Variants in SFMBT2 observed in about 807,000 individuals in gnomAD.
SFMBT2 encodes the protein scm-like with four MBT domains protein 2.
A neutral mutation model predicts 110.1 loss-of-function variants in SFMBT2; 38 were observed. The observed-to-expected ratio is 0.35, with a 90% CI of 0.27 to 0.45. The LOEUF (loss-of-function observed/expected upper bound fraction) is 0.45, where lower values mean the gene tolerates loss of function less well. SFMBT2 is among the 20% of genes least tolerant of loss of function. The probability of loss-of-function intolerance (pLI) is 1.00; values close to 1 mark genes in which losing one functional copy is unlikely to be tolerated. For missense variants in SFMBT2, 1,011 were observed against 1,094.9 expected (o/e 0.92, Z 1.08); for synonymous variants, 425 against 425.4 (o/e 1.00, Z 0.01).
intron 8 of SFMBT2, among the ~76,000 whole-genome samples, chr10:7,247,652 C>T (rs189774521): frequency 3.8e-4 from 57 of 151,918 alleles, no homozygotes; most frequent in Non-Finnish European, 5.7e-4. Flanking sequence ...AAGAAAATCC[C>T]GTATCTTTAA....
chr10:7,284,371 A>G, intron 5 of SFMBT2: 1 of 1,297,632 alleles, frequency 7.7e-7, no homozygotes, highest in Non-Finnish European at 9.8e-7. Context: ...AACAACAAAA[A>G]AATCACAAGT....
At chr10:7,255,197 G>C (rs965340485) in intron 7 of SFMBT2, among the ~76,000 whole-genome samples, 1 of 152,206 alleles carries the variant, frequency 6.6e-6, no homozygotes, top group African/African-American at 2.4e-5. Flanking sequence ...GTCAAGGACA[G>C]AGAGAGTTCC....
At chr10:7,185,046 T>C (rs902253389) in intron 16 of SFMBT2, among the ~76,000 whole-genome samples, 1 of 152,152 alleles carries the variant, frequency 6.6e-6, no homozygotes, top group African/African-American at 2.4e-5. Flanking sequence ...TCCTCAGAAA[T>C]TTCTTTCTTC....
chr10:7,193,354 C>G (rs1028645858), intron 15 of SFMBT2, among the ~76,000 whole-genome samples: 12 of 152,224 alleles, frequency 7.9e-5, no homozygotes, highest in African/African-American at 2.9e-4. Flanking sequence ...GATACTGTCA[C>G]TGACATTTAC....
At chr10:7,270,253 A>G (rs1190204981) in intron 7 of SFMBT2, among the ~76,000 whole-genome samples, 1 of 152,192 alleles carries the variant, frequency 6.6e-6, no homozygotes, top group Non-Finnish European at 1.5e-5. Flanking sequence ...AGGCGACCCC[A>G]GAAGCCAGGG....
intron 4 of SFMBT2, among the ~76,000 whole-genome samples, chr10:7,352,862 T>G (rs1226263505): frequency 6.6e-6 from 1 of 151,944 alleles, no homozygotes; most frequent in Admixed American, 6.6e-5. Flanking sequence ...ATACTAAAAA[T>G]TAGCCAGGCG....
chr10:7,265,485 G>A (rs957614179), intron 7 of SFMBT2, among the ~76,000 whole-genome samples: 5 of 152,174 alleles, frequency 3.3e-5, no homozygotes, highest in Non-Finnish European at 5.9e-5. Context: ...ACAGGCATGA[G>A]CCACCGCGCC....
chr10:7,347,033 G>A (rs1844137668), intron 4 of SFMBT2, among the ~76,000 whole-genome samples: 1 of 147,410 alleles, frequency 6.8e-6, no homozygotes, highest in Admixed American at 6.7e-5. Flanking sequence ...ACAAAAATGT[G>A]TAGCTAAATG....
intron 9 of SFMBT2, among the ~76,000 whole-genome samples, chr10:7,235,344 T>C (rs1272417775): frequency 8.5e-5 from 13 of 152,078 alleles, no homozygotes; most frequent in Admixed American, 6.6e-5. Context: ...ACCACTGAAA[T>C]TAGTTCATAA....
chr10:7,176,126 T>A lies in SFMBT2; in HGVS notation c.1848A>T (p.Val616=). The A allele has an allele frequency of 6.2e-7, 1 of 1,614,216 alleles. No homozygotes were observed. Among genetic ancestry groups the A allele is most frequent in the African/African-American group, 1.3e-5 (1 of 75,062 alleles). ...AATTTGCGACTTGGTCAGATGTCCG[T>A]ACGATTTTGACCACAGCCCTGTATG... ...GKTYRAVVKI[V]RTSDQVANFC... Residue 616 remains valine (V), a synonymous_variant, in exon 17 of 21, where the codon GTA becomes GTT. Transcript: ENST00000397167.
intron 6 of SFMBT2, among the ~76,000 whole-genome samples, chr10:7,280,898 A>G (rs897900441): frequency 6.6e-6 from 1 of 152,154 alleles, no homozygotes; most frequent in African/African-American, 2.4e-5. Context: ...TCTATGACCC[A>G]TTTCTCTTCT....
rs1045587309 is a variant in SFMBT2, at chr10:7,378,060, AGTGT to A, written c.100+3735_100+3738del. Among the ~76,000 whole-genome samples, 29 of 142,590 alleles carry A rather than the reference AGTGT, an allele frequency of 2.0e-4. 1 individual carries two copies. Among genetic ancestry groups the A allele is most frequent in the African/African-American group, 7.4e-4 (28 of 37,888 alleles). 93.5% of individuals were successfully genotyped at this position (142,590 alleles called of 152,430 possible). On this transcript the variant is annotated intron_variant, in intron 2 of 20. Coordinates refer to ENST00000397167, the MANE Select transcript of SFMBT2 (RefSeq NM_001387889.1). ...GTGGATGGGTGGATGGATGGATGTG[AGTGT>A]GTGTGTGCATGTGTATGTGGATGGG... is the stretch of plus-strand genomic sequence containing the variant.
chr10:7,332,847 G>T (rs1367210123), intron 4 of SFMBT2, among the ~76,000 whole-genome samples: 1 of 152,148 alleles, frequency 6.6e-6, no homozygotes, highest in Non-Finnish European at 1.5e-5. Flanking sequence ...ATTACACAGT[G>T]AGTCTAATGG....
chr10:7,206,184 A>T (rs1168159424), intron 11 of SFMBT2: 1 of 985,468 alleles, frequency 1.0e-6, no homozygotes, highest in Non-Finnish European at 1.2e-6. Flanking sequence ...TTGGAAAAAG[A>T]GAGATACTCT....
rs1309426222 is a variant in SFMBT2, at chr10:7,159,414, C to CAACTTAAGA, written c.*4347_*4355dup. ...TAGTGATAGAGCTATGAGAACTGGT[C>CAACTTAAGA]AACTTAAGAGTTCAACCATGTGAAA... On this transcript the variant is annotated 3_prime_UTR_variant, in exon 21 of 21. Coordinates refer to ENST00000397167, the MANE Select transcript of SFMBT2 (RefSeq NM_001387889.1). 2 of 152,084 alleles carry CAACTTAAGA rather than the reference C, an allele frequency of 1.3e-5. No homozygotes were observed. The highest frequency in any genetic ancestry group is 2.4e-5 in the African/African-American group (1 of 41,404). The allele number at this position is 152,084 out of a possible 1,614,324, so 9.4% of individuals were successfully genotyped here.
chr10:7,315,080 G>A (rs1452093184), intron 4 of SFMBT2, among the ~76,000 whole-genome samples: 1 of 144,952 alleles, frequency 6.9e-6, no homozygotes, highest in Non-Finnish European at 1.5e-5. Context: ...AAGAAAGAAA[G>A]AAAGAAAGAA....
At chr10:7,217,830 C>T (rs1448990504) in intron 11 of SFMBT2, among the ~76,000 whole-genome samples, 3 of 152,236 alleles carry the variant, frequency 2.0e-5, no homozygotes, top group Admixed American at 6.5e-5. Flanking sequence ...GGAGAAGGCA[C>T]TGCCTCCTTT....
chr10:7,319,866 G>C (rs576939754), intron 4 of SFMBT2, among the ~76,000 whole-genome samples: 1 of 150,520 alleles, frequency 6.6e-6, no homozygotes, highest in South Asian at 2.1e-4. Flanking sequence ...GAGACACAGA[G>C]GGAGACAGAG....
At chr10:7,360,503 T>C (rs1844683165) in intron 4 of SFMBT2, among the ~76,000 whole-genome samples, 1 of 152,040 alleles carries the variant, frequency 6.6e-6, no homozygotes, top group Non-Finnish European at 1.5e-5. Context: ...GTGTGGCATA[T>C]TGTGAGTAGT....
Sources: allele counts gnomAD v4.1 joint callset (sites outside exome capture counted in the v4.1 genomes callset), GRCh38; gene constraint gnomAD v4.1.1; transcripts MANE v1.5; gene names NCBI Gene and HGNC (gene_info 2026-07-23, HGNC 2026-07-21).